The following ADGRB2 variants were observed in gnomAD, a reference collection of about 807,000 sequenced individuals.
ADGRB2 encodes the protein brain-specific angiogenesis inhibitor 2.
In ADGRB2, 47 loss-of-function variants were observed where a neutral mutation model predicts 178.7. The ratio of observed to expected loss-of-function variants is 0.26; its 90% CI spans 0.21 to 0.34. ADGRB2 has a LOEUF of 0.34. ADGRB2 is among the 10% of genes least tolerant of loss of function. ADGRB2 has a pLI of 1.00. For synonymous variants in ADGRB2, 870 were observed against 912.4 expected (o/e 0.95, Z 0.84); for missense variants, 1,584 against 2,180.8 (o/e 0.73, Z 5.45).
At position 31,735,620 on chromosome 1, in the gene ADGRB2, G is replaced by A. The variant is rs760443752; in HGVS notation, c.3313C>T (p.Arg1105Cys). 62 of 1,613,266 alleles carry A rather than the reference G, an allele frequency of 3.8e-5. No individual in the cohort carries two copies. The highest frequency in any genetic ancestry group is 4.7e-5 in the Non-Finnish European group (56 of 1,179,620). ...TTGGATTTGTCGGAGATGCCATCACGTGCCATGAGCTTGTTGAAGACGATG... is the reference window on the plus strand; with the variant it reads ...TTGGATTTGTCGGAGATGCCATCACATGCCATGAGCTTGTTGAAGACGATG... ...GIIVFNKLMA[R>C]DGISDKSKKQ... The change falls in exon 24 of 33, where the codon CGT becomes TGT. Residue 1105 changes from arginine to cysteine, a missense_variant. Physicochemically the swap from Arg to Cys is radical, Grantham distance 180 (BLOSUM62 -3). Around this residue, in one of 3 missense-constraint regions of ADGRB2, gnomAD observed 865 missense variants for 1,192.8 expected, o/e 0.73. Transcript: ENST00000373658. The surrounding 1 kb of genome is among the most constrained non-coding windows in gnomAD (Gnocchi z 6.0).
At position 31,742,184 on chromosome 1, in the gene ADGRB2, C is replaced by A. The variant is rs964125431; in HGVS notation, c.1286G>T (p.Gly429Val). 3 of 1,610,316 alleles carry A rather than the reference C, an allele frequency of 1.9e-6. No individual in the cohort carries two copies. The highest frequency in any genetic ancestry group is 2.2e-5 in the East Asian group (1 of 44,838). Residue 429 changes from glycine to valine, a missense_variant, in exon 8 of 33, where the codon GGC (glycine) becomes GTC (valine). Transcript: ENST00000373658. ...EGQWLEWGPWGPCSTSCANGT... is the reference protein window; with the variant it reads ...EGQWLEWGPWVPCSTSCANGT... ...ATTGGCACAGGACGTGGAGCATGGGCCCCAGGGACCCCATTCTAACCACTG... is the reference window on the plus strand; with the variant it reads ...ATTGGCACAGGACGTGGAGCATGGGACCCAGGGACCCCATTCTAACCACTG...
chr1:31,738,419 G>A, intron 17 of ADGRB2, 93 bp from the exon 18 acceptor site: 1 of 1,578,794 alleles, frequency 6.3e-7, no homozygotes, highest in Non-Finnish European at 8.6e-7. Context: ...TAAATCCACA[G>A]TAAGGCCACA....
intron 4 of ADGRB2, among the ~76,000 whole-genome samples, chr1:31,749,261 G>A (rs1184791705): frequency 2.0e-5 from 3 of 152,166 alleles, no homozygotes; most frequent in Admixed American, 2.0e-4. Context: ...CTCCCCAGCT[G>A]AGGAAGTCTT....
chr1:31,748,928 A>G (rs1323464089), intron 4 of ADGRB2, among the ~76,000 whole-genome samples: 1 of 152,198 alleles, frequency 6.6e-6, no homozygotes, highest in Non-Finnish European at 1.5e-5. Flanking sequence ...CCAAGGTCTC[A>G]TACTAGAGAG....
Position 31,733,243 on chromosome 1 carries a change from A to G in ADGRB2, c.3453-100T>C, listed in dbSNP as rs1645388802. Reference sequence around the variant, plus strand: ...AGCTGGAGCTCTTCAGCTGCCCAAGACTGGGAGGGCCCCAAACCCCAGGGC... The same window carrying G: ...AGCTGGAGCTCTTCAGCTGCCCAAGGCTGGGAGGGCCCCAAACCCCAGGGC... On this transcript the variant is annotated intron_variant, in intron 25 of 32. Coordinates refer to ENST00000373658, the MANE Select transcript of ADGRB2 (RefSeq NM_001364857.2). The surrounding 1 kb of genome is among the most constrained non-coding windows in gnomAD (Gnocchi z 4.3). 7.4e-7 allele frequency: 1 copy of G among 1,354,554 alleles called. No homozygotes were observed. Among genetic ancestry groups the G allele is most frequent in the African/African-American group, 1.5e-5 (1 of 68,860 alleles). 83.9% of individuals were successfully genotyped at this position (1,354,554 alleles called of 1,614,324 possible).
At position 31,762,517 on chromosome 1, in the gene ADGRB2, C is replaced by A. The variant is rs544267321; in HGVS notation, c.-191+1367G>T. Among the ~76,000 whole-genome samples, 20 of 152,356 alleles carry A rather than the reference C, an allele frequency of 1.3e-4. 1 individual carries two copies. The highest frequency in any genetic ancestry group is 1.2e-3 in the Admixed American group (18 of 15,310). On this transcript the variant is annotated intron_variant, in intron 1 of 32. Coordinates refer to ENST00000373658, the MANE Select transcript of ADGRB2 (RefSeq NM_001364857.2). ...CCTGACCAAGCACAAACAAGCCCAA[C>A]CAGGCGTCCTGGAGCCCGCGGCCAA...
At position 31,735,572 on chromosome 1, in the gene ADGRB2, C is replaced by T; in HGVS notation, c.3353+8G>A. 6.2e-7 allele frequency: 1 copy of T among 1,613,680 alleles called. No homozygotes were observed. Among genetic ancestry groups the T allele is most frequent in the Non-Finnish European group, 8.5e-7 (1 of 1,179,616 alleles). ...AGAAAGGCCAAGTCTCAGAGGCCCCCCCCTTACCCGGCCCTCTGCTTCTTG... is the reference window on the plus strand; with the variant it reads ...AGAAAGGCCAAGTCTCAGAGGCCCCTCCCTTACCCGGCCCTCTGCTTCTTG... On this transcript the variant is annotated splice_region_variant and intron_variant, in intron 24 of 32. Coordinates refer to ENST00000373658, the MANE Select transcript of ADGRB2 (RefSeq NM_001364857.2). This position sits in a 1 kb window ranked among gnomAD's most constrained non-coding sequence, Gnocchi z 6.0.
In ADGRB2 at chr1:31,742,839, C is replaced by T. The variant is rs1008534721; in HGVS notation, c.1251G>A (p.Pro417=). 1.4e-6 allele frequency: 2 copies of T among 1,471,232 alleles called. No individual in the cohort carries two copies. The highest frequency in any genetic ancestry group is 2.3e-5 in the Admixed American group (1 of 44,358). The allele number at this position is 1,471,232 out of a possible 1,614,324, so 91.1% of individuals were successfully genotyped here. Residue 417 remains proline, a splice_region_variant and synonymous_variant, in exon 7 of 33, where the codon CCG becomes CCA. Transcript: ENST00000373658. ...QTKLCSMAAC[P]VEGQWLEWGP... is the part of the protein sequence containing the mutation. ...TGGAAGCCCACGGGTGCTACTGACC[C>T]GGGCAGGCAGCCATACTGCAGAGCT...
Position 31,730,965 on chromosome 1 carries a change from G to T in ADGRB2, c.4215C>A (p.Gly1405=). 2.6e-6 allele frequency: 4 copies of T among 1,565,408 alleles called. No individual in the cohort carries two copies. The highest frequency in any genetic ancestry group is 1.7e-4 in the Middle Eastern group (1 of 5,808). ...YPSFLSVDHS[G]LGLGPAYGSL... is the part of the protein sequence containing the mutation. ...ATCCATAGGCAGGGCCCAGCCCCAG[G>T]CCCGAGTGGTCCACGGACAGGAAGC... The change falls in exon 29 of 33, where the codon GGC becomes GGA. Residue 1405 remains glycine, a synonymous_variant. Transcript: ENST00000373658.
rs751030662 is a variant in ADGRB2 at position 31,731,087 on chromosome 1, C to T, written c.4093G>A (p.Gly1365Ser). The T allele has an allele frequency of 5.0e-5, 79 of 1,574,366 alleles. No individual in the cohort carries two copies. Among genetic ancestry groups the T allele is most frequent in the African/African-American group, 4.5e-4 (33 of 73,926 alleles). ...GCATCCTCACCACCTCCACCCCCACCGCCAGGCTGCAGGCTCAAAGTCCGC... is the reference window on the plus strand; with the variant it reads ...GCATCCTCACCACCTCCACCCCCACTGCCAGGCTGCAGGCTCAAAGTCCGC... ...PRRTLSLQPG[G>S]GGGGGEDAPR... Residue 1365 changes from glycine to serine, a missense_variant, in exon 29 of 33, where the codon GGT becomes AGT. Physicochemically the swap from Gly to Ser is moderately conservative, Grantham distance 56 (BLOSUM62 0). Transcript: ENST00000373658.
intron 4 of ADGRB2, among the ~76,000 whole-genome samples, chr1:31,751,486 TGAGA>T (rs922482640): frequency 3.3e-5 from 5 of 152,210 alleles, no homozygotes; most frequent in African/African-American, 1.2e-4. Context: ...TCCAACTGCA[TGAGA>T]GATAAAGCCT....
At chr1:31,731,981 A>T in intron 28 of ADGRB2, 134 bp downstream of exon 28, 1 of 1,153,530 alleles carries the variant, frequency 8.7e-7, no homozygotes, top group Non-Finnish European at 1.3e-6. Context: ...CCTTGCGTCC[A>T]GCTCAGGGCT....
At chr1:31,742,359 G>T in intron 7 of ADGRB2, 142 bp from the exon 8 acceptor site, 1 of 1,192,920 alleles carries the variant, frequency 8.4e-7, no homozygotes. Flanking sequence ...GGAGGGGAGG[G>T]GGTTATGAGG....
rs1177673462 is a variant in ADGRB2, at chr1:31,757,251, G to T, written c.-30C>A. The T allele has an allele frequency of 6.2e-7, 1 of 1,613,926 alleles. No individual in the cohort carries two copies. The highest frequency in any genetic ancestry group is 8.5e-7 in the Non-Finnish European group (1 of 1,179,916). ...CTTGCTCTCCATCCCCGTGTGTCGT[G>T]ATCAGCTGTGAGGCATGTCACCGCG... On this transcript the variant is annotated 5_prime_UTR_variant, in exon 3 of 33. Transcript: ENST00000373658.
Position 31,741,317 on chromosome 1 carries a change from C to T in ADGRB2, c.1794+56G>A. On this transcript the variant is annotated intron_variant, in intron 11 of 32. Transcript: ENST00000373658. The surrounding 1 kb of genome is among the most constrained non-coding windows in gnomAD (Gnocchi z 6.5). ...AGCGAGAATCACGCTCCCTCCACCC[C>T]CTAGCAGAGTCTGAGACAGATTCTG... 2 of 1,519,264 alleles carry T rather than the reference C, an allele frequency of 1.3e-6. No individual in the cohort carries two copies. The highest frequency in any genetic ancestry group is 1.8e-6 in the Non-Finnish European group (2 of 1,116,084). 94.1% of individuals were successfully genotyped at this position (1,519,264 alleles called of 1,614,324 possible). A position where few individuals can be genotyped will look rare whatever the true frequency, so the allele number is the denominator to read the frequency against.
At chr1:31,748,941 G>T (rs182958693) in intron 4 of ADGRB2, among the ~76,000 whole-genome samples, 1 of 152,188 alleles carries the variant, frequency 6.6e-6, no homozygotes, top group African/African-American at 2.4e-5. Context: ...CTAGAGAGAG[G>T]CTGAGGTGGG....
In ADGRB2 at chr1:31,737,575, A is replaced by G. The variant is rs749329296; in HGVS notation, c.2877-44T>C. 5 of 1,611,806 alleles carry G rather than the reference A, an allele frequency of 3.1e-6. No homozygotes were observed. In the East Asian group the frequency reaches 1.1e-4, roughly 36 times the overall value. On this transcript the variant is annotated intron_variant, in intron 19 of 32. Transcript: ENST00000373658. ...CAGGGACAGAGGCGCTGGCTGCCCCATCCGACCTGGTGTGGCTGGCCACCT... is the reference window on the plus strand; with the variant it reads ...CAGGGACAGAGGCGCTGGCTGCCCCGTCCGACCTGGTGTGGCTGGCCACCT...
In ADGRB2 at chr1:31,759,281, A is replaced by G. The variant is rs955331631; in HGVS notation, c.-190-1770T>C. On this transcript the variant is annotated intron_variant, in intron 1 of 32. Coordinates refer to ENST00000373658, the MANE Select transcript of ADGRB2 (RefSeq NM_001364857.2). This position sits in a 1 kb window ranked among gnomAD's most constrained non-coding sequence, Gnocchi z 4.3. ...GGTGTAGAGGCTTACACTTGTACAC[A>G]TGCACAGAGGTGCACACGCATTCTC... The G allele has an allele frequency of 1.8e-5, 14 of 779,442 alleles. No individual in the cohort carries two copies. Among genetic ancestry groups the G allele is most frequent in the Non-Finnish European group, 3.1e-5 (13 of 417,872 alleles). 48.3% of individuals were successfully genotyped at this position (779,442 alleles called of 1,614,324 possible).
In ADGRB2 at chr1:31,735,898, G is replaced by T; in HGVS notation, c.3201-5C>A. On this transcript the variant is annotated splice_region_variant and splice_polypyrimidine_tract_variant and intron_variant, in intron 22 of 32. Coordinates refer to ENST00000373658, the MANE Select transcript of ADGRB2 (RefSeq NM_001364857.2). The surrounding 1 kb of genome is among the most constrained non-coding windows in gnomAD (Gnocchi z 6.0). Reference sequence around the variant, plus strand: ...CCCTCCAGGGAGAGCCAGCAGCTGGGGTGGGGGAGAAGAAGGGTGTCAGAC... The same window carrying T: ...CCCTCCAGGGAGAGCCAGCAGCTGGTGTGGGGGAGAAGAAGGGTGTCAGAC... The T allele has an allele frequency of 6.3e-7, 1 of 1,586,398 alleles. No individual in the cohort carries two copies. Among genetic ancestry groups the T allele is most frequent in the Non-Finnish European group, 8.6e-7 (1 of 1,166,168 alleles).
Sources: allele counts gnomAD v4.1 joint callset (sites outside exome capture counted in the v4.1 genomes callset), GRCh38; gene constraint gnomAD v4.1.1; regional missense constraint gnomAD v4.1.1; non-coding constraint Gnocchi (gnomAD v3.1); transcripts MANE v1.5; gene names NCBI Gene and HGNC (gene_info 2026-07-23, HGNC 2026-07-21).